Variants in GMDS observed in about 807,000 individuals in gnomAD.
The protein encoded by GMDS is GDP-mannose 4,6-dehydratase, also known as GDP-mannose 4,6 dehydratase.
GMDS carries 20 observed loss-of-function variants against 49.9 expected under a neutral mutation model. That is an observed-to-expected ratio of 0.40 (90% CI 0.28 to 0.58). The LOEUF (loss-of-function observed/expected upper bound fraction) is 0.58, where lower values mean the gene tolerates loss of function less well. GMDS is among the 20% of genes least tolerant of loss of function. GMDS has a pLI of 0.42. For missense variants in GMDS, 362 were observed against 481.4 expected (o/e 0.75, Z 2.32); for synonymous variants, 177 against 178.6 (o/e 0.99, Z 0.07).
At chr6:1,818,339 G>A (rs748039511) in intron 7 of GMDS, among the ~76,000 whole-genome samples, 2 of 152,146 alleles carry the variant, frequency 1.3e-5, no homozygotes, top group Non-Finnish European at 2.9e-5. Flanking sequence ...TGGGTGCAGT[G>A]GCTCATGCCT....
intron 4 of GMDS, among the ~76,000 whole-genome samples, chr6:2,043,601 CTGTT>C (rs1334448088): frequency 1.4e-4 from 22 of 152,218 alleles, no homozygotes. Flanking sequence ...ACTAATTTAT[CTGTT>C]TAAGTTTTTT....
intron 4 of GMDS, among the ~76,000 whole-genome samples, chr6:2,107,931 C>T (rs949911824): frequency 6.6e-6 from 1 of 152,200 alleles, no homozygotes; most frequent in African/African-American, 2.4e-5. Flanking sequence ...ATTATTTGAA[C>T]ATTCATAATT....
At chr6:1,961,080 T>C (rs972856539) in intron 4 of GMDS, 114 bp from the exon 5 acceptor site, 1 of 536,626 alleles carries the variant, frequency 1.9e-6, no homozygotes, top group Non-Finnish European at 3.2e-6. Context: ...TGAGAAAATA[T>C]TATTTTCTAA....
At chr6:1,658,947 A>G (rs1286680111) in intron 9 of GMDS, among the ~76,000 whole-genome samples, 1 of 152,230 alleles carries the variant, frequency 6.6e-6, no homozygotes, top group Admixed American at 6.5e-5. Context: ...TGGGGTAGAT[A>G]TATGTAGAAG....
chr6:1,760,930 G>T (rs1161919591), intron 7 of GMDS, among the ~76,000 whole-genome samples: 1 of 152,138 alleles, frequency 6.6e-6, no homozygotes, highest in Non-Finnish European at 1.5e-5. Flanking sequence ...TGATTTCCCA[G>T]ATGCTGACTC....
chr6:1,813,578 A>C (rs550829375), intron 7 of GMDS, among the ~76,000 whole-genome samples: 1 of 152,352 alleles, frequency 6.6e-6, no homozygotes, highest in Admixed American at 6.5e-5. Flanking sequence ...AATTAGTTCT[A>C]GATAGCTAAT....
At chr6:2,081,243 T>G (rs1367234682) in intron 4 of GMDS, among the ~76,000 whole-genome samples, 1 of 151,886 alleles carries the variant, frequency 6.6e-6, no homozygotes, top group African/African-American at 2.4e-5. Context: ...GACAGAAAAA[T>G]ATGCCCTAGG....
chr6:2,096,480 CAG>C (rs1773609062), intron 4 of GMDS, among the ~76,000 whole-genome samples: 1 of 152,058 alleles, frequency 6.6e-6, no homozygotes, highest in Admixed American at 6.5e-5. Context: ...GTGTCTATTT[CAG>C]AAATAAGACA....
At chr6:1,739,833 C>CT (rs1207640757) in intron 8 of GMDS, among the ~76,000 whole-genome samples, 2 of 152,234 alleles carry the variant, frequency 1.3e-5, no homozygotes, top group African/African-American at 4.8e-5. Context: ...TAAGGCTACT[C>CT]TGAGTTCAGT....
chr6:1,663,117 T>C (rs536408615), intron 9 of GMDS, among the ~76,000 whole-genome samples: 2 of 152,338 alleles, frequency 1.3e-5, no homozygotes, highest in South Asian at 4.1e-4. Flanking sequence ...AACTTACTGC[T>C]CAAATATGAT....
At position 2,205,285 on chromosome 6, in the gene GMDS, C is replaced by CTAAAGGGGTGAA. The variant is rs1779756257; in HGVS notation, c.102+40035_102+40036insTTCACCCCTTTA. 2.0e-5 allele frequency among the ~76,000 whole-genome samples: 3 copies of CTAAAGGGGTGAA among 152,306 alleles called. No homozygotes were observed. In the South Asian group the frequency reaches 6.2e-4, roughly 32 times the overall value. ...GCTTTTAAATGCTACTATTCCCCAT[C>CTAAAGGGGTGAA]CTCTACCTAAGTTCACCATTAGTTG... On this transcript the variant is annotated intron_variant, in intron 1 of 10. Coordinates refer to ENST00000380815, the MANE Select transcript of GMDS (RefSeq NM_001500.4).
intron 1 of GMDS, among the ~76,000 whole-genome samples, chr6:2,219,003 G>A (rs868650805): frequency 6.6e-6 from 1 of 152,120 alleles, no homozygotes; most frequent in Admixed American, 6.5e-5. Flanking sequence ...AGGTTGAGGA[G>A]GGAGGACCGC....
chr6:2,231,852 A>G (rs1781125314), intron 1 of GMDS, among the ~76,000 whole-genome samples: 1 of 152,206 alleles, frequency 6.6e-6, no homozygotes, highest in Non-Finnish European at 1.5e-5. Flanking sequence ...CATGATCCCT[A>G]TCCCCAAGAA....
chr6:1,862,349 G>A (rs1645220707), intron 7 of GMDS, among the ~76,000 whole-genome samples: 1 of 151,876 alleles, frequency 6.6e-6, no homozygotes, highest in Non-Finnish European at 1.5e-5. Context: ...CCTTGAACAA[G>A]AGGTATCAGG....
chr6:2,217,135 G>A (rs1780379990), intron 1 of GMDS, among the ~76,000 whole-genome samples: 1 of 152,162 alleles, frequency 6.6e-6, no homozygotes, highest in Admixed American at 6.5e-5. Flanking sequence ...CATCAGGTAA[G>A]CAGCTTGGCA....
At chr6:1,630,748 T>A (rs531494505) in intron 9 of GMDS, among the ~76,000 whole-genome samples, 2 of 152,222 alleles carry the variant, frequency 1.3e-5, no homozygotes, top group Admixed American at 1.3e-4. Flanking sequence ...GTGGAGTTAA[T>A]TTTTTGTCAG....
At chr6:2,076,678 T>C (rs1467923903) in intron 4 of GMDS, among the ~76,000 whole-genome samples, 2 of 152,186 alleles carry the variant, frequency 1.3e-5, no homozygotes, top group African/African-American at 2.4e-5. Flanking sequence ...CCCTATTTAA[T>C]AAATGGTGCT....
At chr6:2,208,573 T>C (rs1458682408) in intron 1 of GMDS, among the ~76,000 whole-genome samples, 2 of 152,180 alleles carry the variant, frequency 1.3e-5, no homozygotes, top group Non-Finnish European at 2.9e-5. Context: ...GTGGTACTGA[T>C]GGAGGCCCAC....
rs1456037073 is a variant in GMDS, at chr6:1,848,877, GCA to G, written c.771+81224_771+81225del. On this transcript the variant is annotated intron_variant, in intron 7 of 10. Coordinates refer to ENST00000380815, the MANE Select transcript of GMDS (RefSeq NM_001500.4). The stretch of plus-strand genomic sequence containing the variant: ...TGAGCATACACTGTCTCTTCTACTA[GCA>G]CAGTTTTTCAGCAGTGGCATCACTG... Among the ~76,000 whole-genome samples the G allele has an allele frequency of 2.6e-5, 4 of 152,270 alleles. No homozygotes were observed. The South Asian group carries it at 8.3e-4, about 32-fold the overall frequency.
Sources: gnomAD v4.1 joint callset for allele counts (sites outside exome capture counted in the v4.1 genomes callset) on GRCh38, gnomAD v4.1.1 for gene constraint, MANE v1.5 for transcripts, NCBI Gene and HGNC (gene_info 2026-07-23, HGNC 2026-07-21) for gene names.